Variants in ZNF423 observed in about 807,000 individuals in gnomAD.
ZNF423 encodes Ebf-associated zinc finger protein.
In ZNF423, 12 loss-of-function variants were observed where a neutral mutation model predicts 95.8. That is an observed-to-expected ratio of 0.13 (90% CI 0.08 to 0.20). The LOEUF (loss-of-function observed/expected upper bound fraction) is 0.20. Ranked by LOEUF, ZNF423 falls within the 10% of genes least tolerant of loss-of-function variation. The probability of loss-of-function intolerance (pLI) is 1.00; values close to 1 mark genes in which losing one functional copy is unlikely to be tolerated. For synonymous variants in ZNF423, 749 were observed against 711.9 expected (o/e 1.05, Z -0.83); for missense variants, 1,316 against 1,737.1 (o/e 0.76, Z 4.31).
chr16:49,654,536 C>T (rs948986677), intron 3 of ZNF423, among the ~76,000 whole-genome samples: 2 of 152,194 alleles, frequency 1.3e-5, no homozygotes, highest in East Asian at 3.9e-4. Context: ...GCTCCAAGCC[C>T]GGGAGGGCTG....
At chr16:49,685,543 G>C (rs2031531339) in intron 3 of ZNF423, among the ~76,000 whole-genome samples, 2 of 152,182 alleles carry the variant, frequency 1.3e-5, no homozygotes, top group South Asian at 4.1e-4. Flanking sequence ...CTTCAGCGCT[G>C]TGTATTTCAG....
chr16:49,842,290 AG>A (rs2035192305), intron 1 of ZNF423, among the ~76,000 whole-genome samples: 1 of 17,178 alleles, frequency 5.8e-5, no homozygotes, highest in Non-Finnish European at 1.1e-4. Flanking sequence ...AGGGGAGGGG[AG>A]GGGAGGGGAG....
intron 7 of ZNF423, among the ~76,000 whole-genome samples, chr16:49,517,281 A>G (rs1968185413): frequency 6.6e-6 from 1 of 152,226 alleles, no homozygotes; most frequent in Non-Finnish European, 1.5e-5. Context: ...TGCCTGAGCC[A>G]TGACTATCCA....
At position 49,635,990 on chromosome 16, in the gene ZNF423, G is replaced by A; in HGVS notation, c.3186C>T (p.Ser1062=). The change falls in exon 4 of 8, where the codon TCC becomes TCT. Residue 1062 remains serine (S), a synonymous_variant. Transcript: ENST00000563137. The surrounding 1 kb of genome is among the most constrained non-coding windows in gnomAD (Gnocchi z 4.8). ...GCTTCTGCAGCCCCTGGCCATTGGG[G>A]GAGGACGCCGCTGAGCTGCCCGCCA... ...QKLAGSSAAS[S]PNGQGLQKLY... 1.2e-6 allele frequency: 2 copies of A among 1,601,926 alleles called. No individual in the cohort carries two copies. Among genetic ancestry groups the A allele is most frequent in the South Asian group, 1.1e-5 (1 of 89,346 alleles).
chr16:49,770,557 T>C (rs527621409), intron 2 of ZNF423, among the ~76,000 whole-genome samples: 3 of 151,534 alleles, frequency 2.0e-5, no homozygotes, highest in South Asian at 2.1e-4. Flanking sequence ...AGGATAGGGG[T>C]TCATGGAAAG....
chr16:49,591,755 C>A (rs1202309853), intron 5 of ZNF423, among the ~76,000 whole-genome samples: 1 of 152,124 alleles, frequency 6.6e-6, no homozygotes, highest in African/African-American at 2.4e-5. Flanking sequence ...CACAAGTGTG[C>A]AAAAACAGTA....
At chr16:49,606,048 C>T (rs987575196) in intron 5 of ZNF423, among the ~76,000 whole-genome samples, 10 of 152,278 alleles carry the variant, frequency 6.6e-5, no homozygotes, top group South Asian at 6.2e-4. Context: ...CTGTCACAGC[C>T]GCGTGCACCT....
chr16:49,604,210 A>G (rs933235357), intron 5 of ZNF423, among the ~76,000 whole-genome samples: 18 of 152,160 alleles, frequency 1.2e-4, no homozygotes, highest in Non-Finnish European at 2.1e-4. Context: ...CAGGCCTCTC[A>G]AAGCACCCAC....
At chr16:49,813,013 C>T (rs761118625) in intron 1 of ZNF423, among the ~76,000 whole-genome samples, 1 of 152,132 alleles carries the variant, frequency 6.6e-6, no homozygotes, top group East Asian at 1.9e-4. Context: ...CCCTGCCACA[C>T]CACCAGGGGC....
chr16:49,853,302 G>GGA (rs1567372677), intron 1 of ZNF423, among the ~76,000 whole-genome samples: 1 of 97,952 alleles, frequency 1.0e-5, no homozygotes, highest in Non-Finnish European at 2.1e-5. Flanking sequence ...GGGGCGGGGC[G>GGA]GGGGGGGAGC....
intron 5 of ZNF423, among the ~76,000 whole-genome samples, chr16:49,568,894 A>G (rs1162488100): frequency 2.0e-5 from 3 of 152,144 alleles, no homozygotes; most frequent in East Asian, 3.9e-4. Context: ...CTGCTCCCCA[A>G]AGCTGGTCCC....
intron 7 of ZNF423, among the ~76,000 whole-genome samples, chr16:49,507,083 C>G (rs563509076): frequency 6.6e-6 from 1 of 152,146 alleles, no homozygotes; most frequent in Non-Finnish European, 1.5e-5. Context: ...CTTTCTGACC[C>G]TAGCCAAGTC....
intron 1 of ZNF423, among the ~76,000 whole-genome samples, chr16:49,842,406 A>AAGGC (rs1443605624): frequency 1.1e-5 from 1 of 88,326 alleles, no homozygotes; most frequent in Non-Finnish European, 2.8e-5. Flanking sequence ...GGAAGGAAGG[A>AAGGC]AGGAAGGCAG....
chr16:49,763,172 T>C (rs1481585276), intron 2 of ZNF423, among the ~76,000 whole-genome samples: 1 of 152,218 alleles, frequency 6.6e-6, no homozygotes, highest in Non-Finnish European at 1.5e-5. Flanking sequence ...CCAGCATCCC[T>C]TTCTTATTCA....
chr16:49,491,281 T>C lies in ZNF423; in HGVS notation c.3873A>G (p.Ala1291=). The C allele has an allele frequency of 1.2e-6, 2 of 1,614,082 alleles. No individual in the cohort carries two copies. Among genetic ancestry groups the C allele is most frequent in the Non-Finnish European group, 1.7e-6 (2 of 1,180,038 alleles). The change falls in exon 8 of 8, where the codon GCA becomes GCG. Residue 1291 remains alanine (A), a synonymous_variant. Coordinates refer to ENST00000563137, the MANE Select transcript of ZNF423 (RefSeq NM_001379286.1). ...TGTCCTGTTGAGCGATCCCTCACTGTGCGTGCTGGCTCATCGTGTGGTTCT... is the reference window on the plus strand; with the variant it reads ...TGTCCTGTTGAGCGATCCCTCACTGCGCGTGCTGGCTCATCGTGTGGTTCT... ...ELQNHTMSQH[A]Q is the part of the protein sequence containing the mutation.
At chr16:49,695,681 C>T (rs1233093005) in intron 3 of ZNF423, among the ~76,000 whole-genome samples, 1 of 152,250 alleles carries the variant, frequency 6.6e-6, no homozygotes, top group Non-Finnish European at 1.5e-5. Flanking sequence ...CCCACCTCGG[C>T]CTCCCAAAGT....
intron 5 of ZNF423, among the ~76,000 whole-genome samples, chr16:49,561,856 C>T (rs961392189): frequency 1.3e-5 from 2 of 152,186 alleles, no homozygotes; most frequent in Non-Finnish European, 2.9e-5. Context: ...GCCAGGATTG[C>T]GGTCGCCCTG....
chr16:49,831,981 CAAAAAAA>C (rs796358974), intron 1 of ZNF423, among the ~76,000 whole-genome samples: 1 of 122,626 alleles, frequency 8.2e-6, no homozygotes, highest in Admixed American at 8.4e-5. Flanking sequence ...AAGACTATCT[CAAAAAAA>C]AAAAAAAAAG....
At chr16:49,654,543 G>T (rs1008058099) in intron 3 of ZNF423, among the ~76,000 whole-genome samples, 2 of 152,242 alleles carry the variant, frequency 1.3e-5, no homozygotes, top group African/African-American at 4.8e-5. Context: ...GCCCGGGAGG[G>T]CTGGGAATGG....
Sources: gnomAD v4.1 joint callset for allele counts (sites outside exome capture counted in the v4.1 genomes callset) on GRCh38, gnomAD v4.1.1 for gene constraint, Gnocchi (gnomAD v3.1) non-coding constraint, MANE v1.5 for transcripts, NCBI Gene and HGNC (gene_info 2026-07-23, HGNC 2026-07-21) for gene names.